Variants in TAF3 observed in about 807,000 individuals in gnomAD.
TAF3 encodes transcription initiation factor TFIID subunit 3.
A neutral mutation model predicts 80.6 loss-of-function variants in TAF3; 7 were observed. That is an observed-to-expected ratio of 0.09 (90% CI 0.05 to 0.16). The LOEUF (loss-of-function observed/expected upper bound fraction) is 0.16. TAF3 is among the 10% of genes least tolerant of loss of function. The pLI is 1.00. For missense variants in TAF3, 921 were observed against 1,140.2 expected (o/e 0.81, Z 2.77); for synonymous variants, 444 against 446.1 (o/e 1.00, Z 0.06).
intron 2 of TAF3, among the ~76,000 whole-genome samples, chr10:7,951,531 C>T (rs1431346382): frequency 6.6e-6 from 1 of 152,178 alleles, no homozygotes; most frequent in Non-Finnish European, 1.5e-5. Flanking sequence ...AGTGTGCAGC[C>T]GCTTTCCATG....
At chr10:7,915,193 G>T (rs931257931) in intron 2 of TAF3, among the ~76,000 whole-genome samples, 4 of 151,048 alleles carry the variant, frequency 2.6e-5, no homozygotes, top group African/African-American at 9.7e-5. Flanking sequence ...GCCTGCCTCG[G>T]CCTCCCCAAG....
At chr10:7,984,829 A>G (rs1588576774) in intron 4 of TAF3, among the ~76,000 whole-genome samples, 1 of 152,236 alleles carries the variant, frequency 6.6e-6, no homozygotes, top group Non-Finnish European at 1.5e-5. Context: ...TAGCTGTATC[A>G]TGGAAACCTT....
chr10:7,880,164 G>A (rs868781741), intron 2 of TAF3, among the ~76,000 whole-genome samples: 7 of 152,146 alleles, frequency 4.6e-5, no homozygotes, highest in Admixed American at 6.5e-5. Context: ...ACCTGAGCCC[G>A]GGAGTTCTAG....
chr10:7,831,999 T>C (rs1406705869), intron 2 of TAF3, among the ~76,000 whole-genome samples: 1 of 152,216 alleles, frequency 6.6e-6, no homozygotes, highest in Non-Finnish European at 1.5e-5. Flanking sequence ...GTCAAGCTAG[T>C]TAACATACCT....
chr10:7,887,157 G>A (rs977264166), intron 2 of TAF3, among the ~76,000 whole-genome samples: 2 of 151,726 alleles, frequency 1.3e-5, no homozygotes, highest in East Asian at 1.9e-4. Context: ...GCTTGAACCC[G>A]GGAGGTGGAG....
At chr10:8,011,800 G>A (rs1832058760) in intron 5 of TAF3, among the ~76,000 whole-genome samples, 2 of 152,192 alleles carry the variant, frequency 1.3e-5, no homozygotes, top group African/African-American at 4.8e-5. Context: ...GCATGTTCTA[G>A]CTCTAAAAGT....
At chr10:7,966,261 T>C (rs951503646) in intron 3 of TAF3, among the ~76,000 whole-genome samples, 3 of 152,366 alleles carry the variant, frequency 2.0e-5, no homozygotes, top group Middle Eastern at 3.4e-3. Flanking sequence ...TACAGAACTT[T>C]CCGTAGCATC....
chr10:8,005,709 G>A (rs1446859284), intron 4 of TAF3, among the ~76,000 whole-genome samples: 2 of 152,202 alleles, frequency 1.3e-5, no homozygotes, highest in African/African-American at 2.4e-5. Context: ...ACCAGTATGG[G>A]AAACTGCCTC....
intron 2 of TAF3, among the ~76,000 whole-genome samples, chr10:7,907,486 G>A (rs952472776): frequency 6.6e-6 from 1 of 152,188 alleles, no homozygotes; most frequent in East Asian, 1.9e-4. Context: ...TAGGACAAGG[G>A]TAAAGTGAGT....
intron 2 of TAF3, among the ~76,000 whole-genome samples, chr10:7,853,001 T>C (rs1168079270): frequency 6.6e-6 from 1 of 152,226 alleles, no homozygotes. Context: ...TTGATAGATA[T>C]TAGTCCATTT....
rs371956537 is a variant in TAF3 at position 7,846,044 on chromosome 10, C to T, written c.409+21484C>T. Among the ~76,000 whole-genome samples the T allele has an allele frequency of 1.1e-4, 17 of 150,986 alleles. No homozygotes were observed. In the East Asian group the frequency reaches 1.8e-3, roughly 16 times the overall value. ...CGCAATCTCGGCTCACTGCAAGCTC[C>T]GCCTCCTGGGTTCACGCCAGTCTCC... On this transcript the variant is annotated intron_variant, in intron 2 of 6. Transcript: ENST00000344293.
chr10:8,001,774 A>AT (rs1831945302), intron 4 of TAF3, among the ~76,000 whole-genome samples: 1 of 152,114 alleles, frequency 6.6e-6, no homozygotes, highest in African/African-American at 2.4e-5. Context: ...ATTTTGAGGG[A>AT]TTTTTTTAAT....
intron 2 of TAF3, among the ~76,000 whole-genome samples, chr10:7,912,552 C>G (rs116026060): frequency 0.011 from 1,689 of 152,174 alleles, 33 homozygotes; most frequent in African/African-American, 0.038. Flanking sequence ...AAAAGTAAGA[C>G]TGAAAAGCAA....
Position 7,996,831 on chromosome 10 carries a change from C to G in TAF3, c.2316-12247C>G, listed in dbSNP as rs570893486. ...AGTAGCTGGGACTACAGGCACGCAC[C>G]ACCACACTCTATTTTTTTTTTTTTT... On this transcript the variant is annotated intron_variant, in intron 4 of 6. Transcript: ENST00000344293. Among the ~76,000 whole-genome samples the G allele has an allele frequency of 4.1e-5, 6 of 147,974 alleles. No individual in the cohort carries two copies. The South Asian group carries it at 1.1e-3, about 27-fold the overall frequency.
In TAF3 at chr10:7,909,516, G is replaced by C. The variant is rs543544731; in HGVS notation, c.410-54404G>C. 1.4e-4 allele frequency among the ~76,000 whole-genome samples: 21 copies of C among 152,310 alleles called. No homozygotes were observed. The South Asian group carries it at 4.1e-3, about 30-fold the overall frequency. On this transcript the variant is annotated intron_variant, in intron 2 of 6. Transcript: ENST00000344293. ...TGTCATTGGATAAAGTGCTGCATCT[G>C]TTAACAACTTAATTTCAAAAAGTGA...
chr10:7,991,294 A>G (rs1288777862), intron 4 of TAF3, among the ~76,000 whole-genome samples: 1 of 152,128 alleles, frequency 6.6e-6, no homozygotes, highest in Non-Finnish European at 1.5e-5. Flanking sequence ...CCTTTTTTTA[A>G]AATTAATCTT....
intron 2 of TAF3, among the ~76,000 whole-genome samples, chr10:7,839,865 C>A (rs1237171082): frequency 6.6e-6 from 1 of 152,180 alleles, no homozygotes; most frequent in African/African-American, 2.4e-5. Flanking sequence ...AGATTTAGCG[C>A]CTCAGCGGAG....
intron 2 of TAF3, among the ~76,000 whole-genome samples, chr10:7,954,292 C>T (rs963576986): frequency 1.5e-5 from 2 of 137,076 alleles, no homozygotes; most frequent in African/African-American, 5.2e-5. Context: ...ACAGAGCTCT[C>T]CCTAGTGAGA....
intron 5 of TAF3, 74 bp from the exon 6 acceptor site, chr10:8,013,657 C>A: frequency 1.7e-6 from 2 of 1,188,764 alleles, no homozygotes; most frequent in South Asian, 1.2e-5. Flanking sequence ...ATAAAGTAAT[C>A]ATTCTGATCT....
Sources: gnomAD v4.1 joint callset for allele counts (sites outside exome capture counted in the v4.1 genomes callset) on GRCh38, gnomAD v4.1.1 for gene constraint, MANE v1.5 for transcripts, NCBI Gene and HGNC (gene_info 2026-07-23, HGNC 2026-07-21) for gene names.